The following MARCHF8 variants were observed in gnomAD, a reference collection of about 807,000 sequenced individuals.
MARCHF8 encodes membrane associated ring-CH-type finger 8.
MARCHF8 carries 40 observed loss-of-function variants against 51.6 expected under a neutral mutation model. That is an observed-to-expected ratio of 0.77 (90% confidence interval 0.60 to 1.01). The LOEUF (loss-of-function observed/expected upper bound fraction) is 1.01. Among genes scored for constraint, MARCHF8 ranks in the 50% least tolerant of loss-of-function variants. MARCHF8 has a pLI of 0.00. For missense variants in MARCHF8, 685 were observed against 708.6 expected (o/e 0.97, Z 0.38); for synonymous variants, 263 against 280.3 (o/e 0.94, Z 0.62).
intron 2 of MARCHF8, among the ~76,000 whole-genome samples, chr10:45,522,436 C>A (rs1044017459): frequency 6.7e-6 from 1 of 149,216 alleles, no homozygotes; most frequent in Non-Finnish European, 1.5e-5. Flanking sequence ...GATGAAAAGA[C>A]CTTTGCTCTC....
At chr10:45,562,914 G>A (rs1394486588) in intron 1 of MARCHF8, among the ~76,000 whole-genome samples, 1 of 151,946 alleles carries the variant, frequency 6.6e-6, no homozygotes, top group Admixed American at 6.6e-5. Flanking sequence ...GAATAGTACG[G>A]GTTTCCACTG....
intron 3 of MARCHF8, among the ~76,000 whole-genome samples, chr10:45,488,072 T>C (rs1035058404): frequency 1.3e-5 from 2 of 152,124 alleles, no homozygotes; most frequent in African/African-American, 4.8e-5. Context: ...CTGCATCAGA[T>C]ACACTCTGCT....
At chr10:45,485,869 C>A (rs976991099) in intron 3 of MARCHF8, among the ~76,000 whole-genome samples, 1 of 152,112 alleles carries the variant, frequency 6.6e-6, no homozygotes, top group Admixed American at 6.5e-5. Flanking sequence ...CACATTGTGG[C>A]CTCCTTTAAT....
At chr10:45,512,610 A>G (rs1484528011) in intron 2 of MARCHF8, among the ~76,000 whole-genome samples, 2 of 145,186 alleles carry the variant, frequency 1.4e-5, no homozygotes, top group Non-Finnish European at 3.0e-5. Flanking sequence ...TGGGGGGGTC[A>G]GCCCCCCGCC....
intron 2 of MARCHF8, among the ~76,000 whole-genome samples, chr10:45,512,152 G>A (rs2043527079): frequency 6.6e-6 from 1 of 151,696 alleles, no homozygotes; most frequent in African/African-American, 2.4e-5. Flanking sequence ...GGGAGGTGAG[G>A]AGCGTCTCTG....
chr10:45,519,749 T>G (rs2043676591), intron 2 of MARCHF8, among the ~76,000 whole-genome samples: 1 of 152,226 alleles, frequency 6.6e-6, no homozygotes, highest in Non-Finnish European at 1.5e-5. Context: ...GACCATGGGC[T>G]ATGATTTGCC....
chr10:45,505,260 T>C (rs1482829298), intron 2 of MARCHF8, among the ~76,000 whole-genome samples: 1 of 152,204 alleles, frequency 6.6e-6, no homozygotes, highest in East Asian at 1.9e-4. Flanking sequence ...CTTCTCAGCA[T>C]TGACTTTCAG....
intron 1 of MARCHF8, among the ~76,000 whole-genome samples, chr10:45,572,386 C>A (rs996033364): frequency 4.6e-5 from 7 of 152,120 alleles, no homozygotes; most frequent in African/African-American, 1.7e-4. Context: ...TCTCCCTTAG[C>A]CTGTGTTCTC....
At chr10:45,499,756 T>G (rs2043244350) in intron 2 of MARCHF8, among the ~76,000 whole-genome samples, 1 of 152,172 alleles carries the variant, frequency 6.6e-6, no homozygotes, top group South Asian at 2.1e-4. Flanking sequence ...ATGTGAGGCT[T>G]TATTTCTGGG....
chr10:45,497,233 A>G (rs546883572), intron 2 of MARCHF8, among the ~76,000 whole-genome samples: 1 of 152,290 alleles, frequency 6.6e-6, no homozygotes, highest in East Asian at 1.9e-4. Flanking sequence ...GACTTTTACT[A>G]TGATAAGGTC....
intron 7 of MARCHF8, among the ~76,000 whole-genome samples, chr10:45,458,832 A>G (rs964633374): frequency 3.3e-5 from 5 of 152,156 alleles, no homozygotes; most frequent in African/African-American, 1.2e-4. Flanking sequence ...AACTCATCCA[A>G]TGTTGCTCAG....
chr10:45,560,504 A>G (rs969208545), intron 1 of MARCHF8, among the ~76,000 whole-genome samples: 96 of 152,194 alleles, frequency 6.3e-4, no homozygotes, highest in African/African-American at 2.3e-3. Context: ...GTGTTGACTC[A>G]AAGCCATTGT....
At position 45,463,823 on chromosome 10, in the gene MARCHF8, G is replaced by A. The variant is rs1483455205; in HGVS notation, c.416C>T (p.Ala139Val). The A allele has an allele frequency of 6.5e-7, 1 of 1,547,210 alleles. No individual in the cohort carries two copies. The highest frequency in any genetic ancestry group is 1.4e-5 in the African/African-American group (1 of 73,030). ...RNSFGSEWAQALKPAKNTKAR... is the reference protein window; with the variant it reads ...RNSFGSEWAQVLKPAKNTKAR... ...TTTGGTATTCTTAGCAGGCTTCAAGGCCTGGGCCCATTCTGAACCAAAGGA... is the reference window on the plus strand; with the variant it reads ...TTTGGTATTCTTAGCAGGCTTCAAGACCTGGGCCCATTCTGAACCAAAGGA... Residue 139 changes from alanine (A) to valine (V), a missense_variant, in exon 5 of 8, where the codon GCC (alanine) becomes GTC (valine). Transcript: ENST00000453424.
intron 2 of MARCHF8, among the ~76,000 whole-genome samples, chr10:45,504,835 T>C (rs1001554729): frequency 1.3e-5 from 2 of 152,230 alleles, no homozygotes; most frequent in African/African-American, 4.8e-5. Flanking sequence ...CTGAAAATAC[T>C]GTCACTTTTA....
chr10:45,572,807 G>A (rs557434387), intron 1 of MARCHF8, among the ~76,000 whole-genome samples: 20 of 152,104 alleles, frequency 1.3e-4, no homozygotes, highest in Non-Finnish European at 2.2e-4. Context: ...AGAGACATAG[G>A]AAACGTGTTT....
rs139885651 is a variant in MARCHF8, at chr10:45,500,704, TA to T, written c.103-11288del. 2.2e-3 allele frequency among the ~76,000 whole-genome samples: 330 copies of T among 152,212 alleles called. 2 individuals are homozygous for T. Among genetic ancestry groups the T allele is most frequent in the African/African-American group, 7.6e-3 (315 of 41,560 alleles). ...GAAAATAAACAAAATAAAAGGCATA[TA>T]TATCAGAATGAAAGACATAAAAATC... On this transcript the variant is annotated intron_variant, in intron 2 of 7. Coordinates refer to ENST00000453424, the MANE Select transcript of MARCHF8 (RefSeq NM_001282866.2).
In MARCHF8 at chr10:45,456,845, T is replaced by G. The variant is rs1842620018; in HGVS notation, c.*1394A>C. ...TTTGATGGTAGTGATTTTGGTTTTG[T>G]TTTATGAAAATGGTACAGGTGGTAA... On this transcript the variant is annotated 3_prime_UTR_variant, in exon 8 of 8. Coordinates refer to ENST00000453424, the MANE Select transcript of MARCHF8 (RefSeq NM_001282866.2). The G allele has an allele frequency of 6.6e-6, 1 of 152,270 alleles. No homozygotes were observed. The highest frequency in any genetic ancestry group is 2.1e-4 in the South Asian group (1 of 4,832). 9.4% of individuals were successfully genotyped at this position (152,270 alleles called of 1,614,324 possible). A position where few individuals can be genotyped will look rare whatever the true frequency, so the allele number is the denominator to read the frequency against.
At chr10:45,524,850 T>C (rs1589150010) in intron 2 of MARCHF8, among the ~76,000 whole-genome samples, 1 of 151,184 alleles carries the variant, frequency 6.6e-6, no homozygotes, top group African/African-American at 2.4e-5. Flanking sequence ...AAGTAGTGGG[T>C]TAGCATCAGG....
intron 1 of MARCHF8, among the ~76,000 whole-genome samples, chr10:45,578,372 G>T (rs879476857): frequency 6.6e-6 from 1 of 152,172 alleles, no homozygotes; most frequent in Non-Finnish European, 1.5e-5. Context: ...GATGATTTTA[G>T]TATCAAGATA....
Sources: gnomAD v4.1 joint callset for allele counts (sites outside exome capture counted in the v4.1 genomes callset) on GRCh38, gnomAD v4.1.1 for gene constraint, MANE v1.5 for transcripts, NCBI Gene and HGNC (gene_info 2026-07-23, HGNC 2026-07-21) for gene names.